The following KPNA1 variants were observed in gnomAD, a reference collection of about 807,000 sequenced individuals.
KPNA1 encodes karyopherin subunit alpha 1.
A neutral mutation model predicts 70.5 loss-of-function variants in KPNA1; 10 were observed. The ratio of observed to expected loss-of-function variants is 0.14; its 90% CI spans 0.09 to 0.24. The LOEUF is 0.24. Ranked by LOEUF, KPNA1 falls within the 10% of genes least tolerant of loss-of-function variation. The pLI is 1.00. For missense variants in KPNA1, 397 were observed against 637.9 expected (o/e 0.62, Z 4.07); for synonymous variants, 192 against 221.9 (o/e 0.87, Z 1.20).
chr3:122,506,999 T>A (rs868687506), intron 1 of KPNA1, among the ~76,000 whole-genome samples: 1 of 152,140 alleles, frequency 6.6e-6, no homozygotes, highest in Non-Finnish European at 1.5e-5. Context: ...GTAAAAAACC[T>A]AAAAGTTCCA....
At chr3:122,471,833 A>G (rs1213492186) in intron 2 of KPNA1, among the ~76,000 whole-genome samples, 1 of 152,262 alleles carries the variant, frequency 6.6e-6, no homozygotes, top group Non-Finnish European at 1.5e-5. Context: ...TTTCAGACAC[A>G]GCAGATAAGA....
Position 122,485,758 on chromosome 3 carries a change from A to G in KPNA1, c.129+10679T>C, listed in dbSNP as rs190760203. Among the ~76,000 whole-genome samples, 74 of 152,356 alleles carry G rather than the reference A, an allele frequency of 4.9e-4. 1 individual carries two copies. Among genetic ancestry groups the G allele is most frequent in the Admixed American group, 9.1e-4 (14 of 15,306 alleles). ...ACTACAGTTAATAATAATGTATTAC[A>G]TAAGTCAAAATTGCTGAAAGAGTGA... is the stretch of plus-strand genomic sequence containing the variant. On this transcript the variant is annotated intron_variant, in intron 2 of 13. Coordinates refer to ENST00000344337, the MANE Select transcript of KPNA1 (RefSeq NM_002264.4).
chr3:122,489,114 C>A, intron 2 of KPNA1, among the ~76,000 whole-genome samples: 1 of 147,270 alleles, frequency 6.8e-6, no homozygotes, highest in Admixed American at 6.8e-5. Context: ...GGTTATTTTA[C>A]CTCTTTTTCA....
At chr3:122,463,422 G>A (rs1366614626) in intron 4 of KPNA1, among the ~76,000 whole-genome samples, 1 of 151,186 alleles carries the variant, frequency 6.6e-6, no homozygotes, top group Non-Finnish European at 1.5e-5. Context: ...TCGGGAGACT[G>A]AGGCAGGAAA....
intron 1 of KPNA1, among the ~76,000 whole-genome samples, chr3:122,508,674 A>G (rs894233607): frequency 6.6e-6 from 1 of 152,166 alleles, no homozygotes; most frequent in Non-Finnish European, 1.5e-5. Flanking sequence ...TGACTAGCCC[A>G]AGAGAAACAA....
intron 2 of KPNA1, among the ~76,000 whole-genome samples, chr3:122,485,531 T>C (rs1030622154): frequency 5.9e-5 from 9 of 151,822 alleles, no homozygotes; most frequent in Admixed American, 1.3e-4. Context: ...GTTACTTTTG[T>C]AAATGAAAAG....
At position 122,436,902 on chromosome 3, in the gene KPNA1, C is replaced by G. The variant is rs540865465; in HGVS notation, c.1122+268G>C. Reference sequence around the variant, plus strand: ...AAGTAATTCTCCTCCCTCAGCCTCCCGCGTAGCTGGGACTACAGGCACCTG... The same window carrying G: ...AAGTAATTCTCCTCCCTCAGCCTCCGGCGTAGCTGGGACTACAGGCACCTG... On this transcript the variant is annotated intron_variant, in intron 11 of 13. Coordinates refer to ENST00000344337, the MANE Select transcript of KPNA1 (RefSeq NM_002264.4). Among the ~76,000 whole-genome samples, 3 of 152,272 alleles carry G rather than the reference C, an allele frequency of 2.0e-5. No homozygotes were observed. The East Asian group carries it at 5.8e-4, about 29-fold the overall frequency.
At chr3:122,508,892 T>G (rs922673504) in intron 1 of KPNA1, among the ~76,000 whole-genome samples, 4 of 152,120 alleles carry the variant, frequency 2.6e-5, no homozygotes, top group Non-Finnish European at 5.9e-5. Context: ...TTTTTAAAAC[T>G]ATCATTAATA....
At chr3:122,450,370 T>C (rs2076185557) in intron 8 of KPNA1, among the ~76,000 whole-genome samples, 1 of 151,910 alleles carries the variant, frequency 6.6e-6, no homozygotes, top group Non-Finnish European at 1.5e-5. Flanking sequence ...TCACCTGAGG[T>C]CTGGAGTTCA....
chr3:122,425,467 A>C lies in KPNA1; in HGVS notation c.*1518T>G, dbSNP rs1293463141. Reference sequence around the variant, plus strand: ...TGAGCAACCTTTTCCTTCAGAATTCACTTTGAACAGCACATCAACAAAAAA... The same window carrying C: ...TGAGCAACCTTTTCCTTCAGAATTCCCTTTGAACAGCACATCAACAAAAAA... On this transcript the variant is annotated 3_prime_UTR_variant, in exon 14 of 14. Transcript: ENST00000344337. The C allele has an allele frequency of 6.6e-6, 1 of 152,664 alleles. No homozygotes were observed. The highest frequency in any genetic ancestry group is 6.5e-5 in the Admixed American group (1 of 15,286). 9.5% of individuals were successfully genotyped at this position (152,664 alleles called of 1,614,324 possible). A position where few individuals can be genotyped will look rare whatever the true frequency, so the allele number is the denominator to read the frequency against.
chr3:122,429,067 TAAA>T (rs981424951), intron 12 of KPNA1, among the ~76,000 whole-genome samples: 1 of 152,118 alleles, frequency 6.6e-6, no homozygotes, highest in Non-Finnish European at 1.5e-5. Flanking sequence ...TCCGTCATTT[TAAA>T]AAAATGAATC....
At chr3:122,512,720 A>T (rs925062072) in intron 1 of KPNA1, among the ~76,000 whole-genome samples, 1 of 152,238 alleles carries the variant, frequency 6.6e-6, no homozygotes, top group African/African-American at 2.4e-5. Context: ...AGCATCCAAA[A>T]AAATAAATAA....
At chr3:122,440,815 A>C (rs927289807) in intron 10 of KPNA1, among the ~76,000 whole-genome samples, 1 of 152,230 alleles carries the variant, frequency 6.6e-6, no homozygotes, top group Non-Finnish European at 1.5e-5. Flanking sequence ...GCTGATGTCC[A>C]GGTTTCAGGG....
Position 122,467,439 on chromosome 3 carries a change from A to G in KPNA1, c.130-10T>C, listed in dbSNP as rs1406183159. 4 of 1,542,126 alleles carry G rather than the reference A, an allele frequency of 2.6e-6. No individual in the cohort carries two copies. Among genetic ancestry groups the G allele is most frequent in the East Asian group, 2.3e-5 (1 of 44,166 alleles). On this transcript the variant is annotated splice_polypyrimidine_tract_variant and intron_variant, in intron 2 of 13. Transcript: ENST00000344337. Reference sequence around the variant, plus strand: ...TTCTCCGCTTGAATAACTGAAAGATAAAAGATTGGTAGCAATGTAAATGTA... The same window carrying G: ...TTCTCCGCTTGAATAACTGAAAGATGAAAGATTGGTAGCAATGTAAATGTA...
At chr3:122,492,550 A>AT (rs1193023251) in intron 2 of KPNA1, among the ~76,000 whole-genome samples, 1 of 152,182 alleles carries the variant, frequency 6.6e-6, no homozygotes, top group Non-Finnish European at 1.5e-5. Flanking sequence ...AGATTTCATT[A>AT]TTTTTTCATA....
rs907473986 is a variant in KPNA1 at position 122,424,941 on chromosome 3, C to G, written c.*2044G>C. The G allele has an allele frequency of 2.0e-5, 3 of 152,590 alleles. No individual in the cohort carries two copies. Among genetic ancestry groups the G allele is most frequent in the Admixed American group, 6.5e-5 (1 of 15,270 alleles). The allele number at this position is 152,590 out of a possible 1,614,324, so 9.5% of individuals were successfully genotyped here. A position where few individuals can be genotyped will look rare whatever the true frequency, so the allele number is the denominator to read the frequency against. On this transcript the variant is annotated 3_prime_UTR_variant, in exon 14 of 14. Coordinates refer to ENST00000344337, the MANE Select transcript of KPNA1 (RefSeq NM_002264.4). ...GAAATTTCTTCTTTAAATTAACCAC[C>G]TAATTTATCCCTAAAATTACAAAGA...
chr3:122,512,667 G>A (rs992385564), intron 1 of KPNA1, among the ~76,000 whole-genome samples: 4 of 152,196 alleles, frequency 2.6e-5, no homozygotes, highest in African/African-American at 7.2e-5. Flanking sequence ...AGAGGCTGCA[G>A]TAAGCCGAGA....
chr3:122,426,557 G>A lies in KPNA1; in HGVS notation c.*428C>T, dbSNP rs1292738573. ...CACAACAGGTCTAAACATCTCCCTT[G>A]TCGTAAGTAGTTGTGTAAAATTCAA... On this transcript the variant is annotated 3_prime_UTR_variant, in exon 14 of 14. Transcript: ENST00000344337. 6.5e-6 allele frequency: 1 copy of A among 154,232 alleles called. No homozygotes were observed. The allele number at this position is 154,232 out of a possible 1,614,324, so 9.6% of individuals were successfully genotyped here.
chr3:122,474,983 T>C (rs1187427143), intron 2 of KPNA1, among the ~76,000 whole-genome samples: 2 of 152,062 alleles, frequency 1.3e-5, no homozygotes, highest in Admixed American at 1.3e-4. Context: ...CTTCACTCAA[T>C]ATGGTGTTGG....
Sources: gnomAD v4.1 joint callset for allele counts (sites outside exome capture counted in the v4.1 genomes callset) on GRCh38, gnomAD v4.1.1 for gene constraint, MANE v1.5 for transcripts, NCBI Gene and HGNC (gene_info 2026-07-23, HGNC 2026-07-21) for gene names.